Variants in GSN observed in about 807,000 individuals in gnomAD.
The protein encoded by GSN is actin-depolymerizing factor.
GSN carries 56 observed loss-of-function variants against 85.7 expected under a neutral mutation model. The observed-to-expected ratio is 0.65, with a 90% confidence interval of 0.53 to 0.82. The LOEUF (loss-of-function observed/expected upper bound fraction) is 0.82, where lower values mean the gene tolerates loss of function less well. GSN is among the 40% of genes least tolerant of loss of function. The probability of loss-of-function intolerance (pLI) is 0.00; values close to 1 mark genes in which losing one functional copy is unlikely to be tolerated. For synonymous variants in GSN, 373 were observed against 399.1 expected (o/e 0.93, Z 0.78); for missense variants, 857 against 979.8 (o/e 0.87, Z 1.67).
chr9:121,247,516 C>T (rs1457861221), intron 5 of GSN, among the ~76,000 whole-genome samples: 1 of 152,216 alleles, frequency 6.6e-6, no homozygotes. Flanking sequence ...CGTTTTTCTT[C>T]ATCTTCCATT....
chr9:121,211,161 C>T (rs2053962206), intron 4 of GSN, among the ~76,000 whole-genome samples: 1 of 152,028 alleles, frequency 6.6e-6, no homozygotes. Context: ...GGTGGTTCCC[C>T]TGGGGGTAGA....
intron 4 of GSN, among the ~76,000 whole-genome samples, chr9:121,217,429 C>T (rs1012841314): frequency 3.3e-5 from 5 of 151,972 alleles, no homozygotes; most frequent in African/African-American, 1.2e-4. Context: ...GTTACAGAAG[C>T]AAACTTCTGT....
intron 4 of GSN, among the ~76,000 whole-genome samples, chr9:121,213,084 C>T (rs1564333187): frequency 1.3e-5 from 2 of 152,300 alleles, no homozygotes; most frequent in South Asian, 2.1e-4. Flanking sequence ...GTCTGCCTTT[C>T]CTCACCCTGA....
intron 4 of GSN, chr9:121,222,085 A>G (rs1466177665): frequency 6.7e-6 from 1 of 149,198 alleles, no homozygotes; most frequent in Admixed American, 6.8e-5. Flanking sequence ...AAAAGGGAGA[A>G]TAGGTGGGTT....
At chr9:121,307,772 A>ATTT (rs1185883656) in intron 4 of GSN, among the ~76,000 whole-genome samples, 1 of 152,094 alleles carries the variant, frequency 6.6e-6, no homozygotes, top group East Asian at 1.9e-4. Flanking sequence ...AGGTTGTTGC[A>ATTT]TTTTCTTCCC....
chr9:121,229,031 A>C (rs2054334198), intron 4 of GSN, among the ~76,000 whole-genome samples: 1 of 152,188 alleles, frequency 6.6e-6, no homozygotes, highest in African/African-American at 2.4e-5. Flanking sequence ...AACATAAGAC[A>C]CAAAAGTAGT....
At chr9:121,239,669 G>A (rs780268746) in intron 5 of GSN, 5 of 300,934 alleles carry the variant, frequency 1.7e-5, no homozygotes, top group South Asian at 7.2e-5. Context: ...GCCATCGCAT[G>A]ATATCAAAGA....
Position 121,332,210 on chromosome 9 carries a change from G to GC in GSN, c.2027-222dup, listed in dbSNP as rs1394669491. ...TAAGCTTTATGAAGCAGGAGATTAA[G>GC]CCGTAGCCCTGTTCCTTCCTGTGTT... On this transcript the variant is annotated intron_variant, in intron 17 of 17. Coordinates refer to ENST00000432226, the MANE Select transcript of GSN (RefSeq NM_198252.3). This position sits in a 1 kb window ranked among gnomAD's most constrained non-coding sequence, Gnocchi z 4.8. 6.6e-6 allele frequency among the ~76,000 whole-genome samples: 1 copy of GC among 152,198 alleles called. No homozygotes were observed. The highest frequency in any genetic ancestry group is 1.5e-5 in the Non-Finnish European group (1 of 68,034).
intron 2 of GSN, among the ~76,000 whole-genome samples, chr9:121,287,594 C>T (rs1378003807): frequency 6.6e-6 from 1 of 152,028 alleles, no homozygotes; most frequent in Admixed American, 6.5e-5. Context: ...CAGAGCAGCT[C>T]GGCCTCTGAT....
At chr9:121,269,008 G>A (rs1230373851) in intron 1 of GSN, among the ~76,000 whole-genome samples, 1 of 152,186 alleles carries the variant, frequency 6.6e-6, no homozygotes, top group Non-Finnish European at 1.5e-5. Context: ...GGAGACATTG[G>A]CTTTCTTCCT....
At chr9:121,284,381 T>C (rs767866786) in intron 2 of GSN, 1 of 167,012 alleles carries the variant, frequency 6.0e-6, no homozygotes, top group Admixed American at 6.5e-5. Flanking sequence ...TTGCATTTTT[T>C]AGTTTACCCG....
chr9:121,279,539 C>T (rs7865505), intron 1 of GSN, among the ~76,000 whole-genome samples: 147,502 of 151,966 alleles, frequency 0.97, 71,625 homozygotes, highest in East Asian at 1. Context: ...TGGTGATACA[C>T]TGGAGGGGAG....
At chr9:121,295,202 T>G (rs1212092100) in intron 2 of GSN, among the ~76,000 whole-genome samples, 2 of 152,194 alleles carry the variant, frequency 1.3e-5, no homozygotes, top group Non-Finnish European at 2.9e-5. Context: ...ATTCTCCCCC[T>G]TTTAGAGATG....
In GSN at chr9:121,241,345, AT is replaced by A. The variant is rs1427366637; in HGVS notation, c.-388-6930del. 3.9e-5 allele frequency among the ~76,000 whole-genome samples: 6 copies of A among 152,358 alleles called. No individual in the cohort carries two copies. The East Asian group carries it at 1.2e-3, about 29-fold the overall frequency. The stretch of plus-strand genomic sequence containing the variant: ...AACAAACAAAATCAAATCTGAGCCA[AT>A]CAAAATCCTAATTAGGTCTTTTAAC... On this transcript the variant is annotated intron_variant, in intron 5 of 24. Transcript: ENST00000373823.
chr9:121,246,558 G>C (rs1018025516), intron 5 of GSN, among the ~76,000 whole-genome samples: 1 of 152,120 alleles, frequency 6.6e-6, no homozygotes, highest in Non-Finnish European at 1.5e-5. Context: ...GCAAAATTTA[G>C]AGATTTATTA....
chr9:121,282,718 G>A (rs961323458), intron 2 of GSN: 7 of 412,800 alleles, frequency 1.7e-5, no homozygotes, highest in East Asian at 3.6e-5. Context: ...CTTGAGGGCC[G>A]GGTCTTGGCT....
At chr9:121,272,388 T>C (rs1251899685) in intron 1 of GSN, among the ~76,000 whole-genome samples, 2 of 152,210 alleles carry the variant, frequency 1.3e-5, no homozygotes, top group Non-Finnish European at 2.9e-5. Flanking sequence ...TGCATGCCTT[T>C]CTCTGGGCCC....
At position 121,328,936 on chromosome 9, in the gene GSN, C is replaced by T. The variant is rs1472143900; in HGVS notation, c.1808C>T (p.Ser603Phe). ...ALGGKAAYRT[S>F]PRLKDKKMDA... is the part of the protein sequence containing the mutation. ...GGCGGGAAGGCTGCCTACCGCACAT[C>T]CCCACGGCTGAAGGACAAGAAGATG... The change falls in exon 15 of 18, where the codon TCC becomes TTC. Residue 603 changes from serine (S) to phenylalanine (F), a missense_variant. Physicochemically the swap from Ser to Phe is radical, Grantham distance 155. Coordinates refer to ENST00000432226, the MANE Select transcript of GSN (RefSeq NM_198252.3). The T allele has an allele frequency of 1.9e-6, 3 of 1,613,582 alleles. No individual in the cohort carries two copies. Among genetic ancestry groups the T allele is most frequent in the Non-Finnish European group, 2.5e-6 (3 of 1,179,972 alleles).
chr9:121,255,281 T>C (rs1404015780), intron 6 of GSN, among the ~76,000 whole-genome samples: 2 of 152,148 alleles, frequency 1.3e-5, no homozygotes. Context: ...TCTCGCTATG[T>C]CACCCAGTCT....
Sources: allele counts gnomAD v4.1 joint callset (sites outside exome capture counted in the v4.1 genomes callset), GRCh38; gene constraint gnomAD v4.1.1; non-coding constraint Gnocchi (gnomAD v3.1); transcripts MANE v1.5; gene names NCBI Gene and HGNC (gene_info 2026-07-23, HGNC 2026-07-21).